The following VSIG10L2 variants were observed in gnomAD, a reference collection of about 807,000 sequenced individuals.
VSIG10L2 encodes V-set and immunoglobulin domain-containing protein 10-like 2.
Under a neutral mutation model 67.1 loss-of-function variants are expected in VSIG10L2, and 56 were observed. The observed-to-expected ratio is 0.83, with a 90% confidence interval of 0.67 to 1.04. The LOEUF (loss-of-function observed/expected upper bound fraction) is 1.04, where lower values mean the gene tolerates loss of function less well. VSIG10L2 is among the 50% of genes least tolerant of loss of function. The probability of loss-of-function intolerance (pLI) is 0.00; values close to 1 mark genes in which losing one functional copy is unlikely to be tolerated. For synonymous variants in VSIG10L2, 360 were observed against 396.6 expected (o/e 0.91, Z 1.10); for missense variants, 843 against 932.8 (o/e 0.90, Z 1.25).
intron 6 of VSIG10L2, 109 bp from the exon 7 acceptor site, chr11:125,953,291 C>A: frequency 2.1e-6 from 2 of 970,538 alleles, no homozygotes; most frequent in South Asian, 5.4e-5. Flanking sequence ...GCCTCATTGT[C>A]AACTCCGCAG....
intron 3 of VSIG10L2, among the ~76,000 whole-genome samples, chr11:125,948,961 T>C (rs1329974735): frequency 6.6e-6 from 1 of 152,182 alleles, no homozygotes; most frequent in Non-Finnish European, 1.5e-5. Context: ...GCAGCAAGCC[T>C]GAAGTTAGAA....
chr11:125,949,029 A>G (rs985229533), intron 3 of VSIG10L2, among the ~76,000 whole-genome samples: 2 of 152,224 alleles, frequency 1.3e-5, no homozygotes, highest in African/African-American at 2.4e-5. Flanking sequence ...GCTGTCCCAC[A>G]TGGCAGCCAC....
chr11:125,952,991 G>A (rs1945398520), intron 6 of VSIG10L2, among the ~76,000 whole-genome samples: 1 of 152,142 alleles, frequency 6.6e-6, no homozygotes, highest in African/African-American at 2.4e-5. Flanking sequence ...TCTTTAATAA[G>A]TCAGTCCATA....
intron 8 of VSIG10L2, among the ~76,000 whole-genome samples, chr11:125,954,631 G>T (rs1255519153): frequency 6.6e-6 from 1 of 152,148 alleles, no homozygotes; most frequent in Non-Finnish European, 1.5e-5. Context: ...CATGTGATCA[G>T]AATAGAGAGG....
chr11:125,952,837 A>G lies in VSIG10L2; in HGVS notation c.1496-563A>G, dbSNP rs562656725. Among the ~76,000 whole-genome samples, 27 of 152,360 alleles carry G rather than the reference A, an allele frequency of 1.8e-4. No individual in the cohort carries two copies. The South Asian group carries it at 5.2e-3, about 29-fold the overall frequency. On this transcript the variant is annotated intron_variant, in intron 6 of 11. Coordinates refer to ENST00000686984, the MANE Select transcript of VSIG10L2 (RefSeq NM_001365077.2). ...CACAACAGTTCTCACAGAATGCTTT[A>G]CCTCTTGGTCTCCAAAGGCTTGGTA...
intron 8 of VSIG10L2, 24 bp downstream of exon 8, chr11:125,954,407 AC>A: frequency 8.1e-7 from 1 of 1,231,944 alleles, no homozygotes; most frequent in Non-Finnish European, 1.0e-6. Context: ...CCAGGGAGGG[AC>A]CCACCTTTTC....
chr11:125,953,056 G>T (rs1302771492), intron 6 of VSIG10L2, among the ~76,000 whole-genome samples: 1 of 152,184 alleles, frequency 6.6e-6, no homozygotes, highest in Non-Finnish European at 1.5e-5. Flanking sequence ...GCCGGGAGGT[G>T]GGGGGCCACT....
In VSIG10L2 at chr11:125,956,091, G is replaced by A. The variant is rs1270932291; in HGVS notation, c.*177G>A. The A allele has an allele frequency of 5.8e-6, 4 of 688,008 alleles. No homozygotes were observed. The highest frequency in any genetic ancestry group is 1.1e-5 in the Non-Finnish European group (4 of 376,598). 42.6% of individuals were successfully genotyped at this position (688,008 alleles called of 1,614,324 possible). On this transcript the variant is annotated 3_prime_UTR_variant, in exon 12 of 12. Coordinates refer to ENST00000686984, the MANE Select transcript of VSIG10L2 (RefSeq NM_001365077.2). ...CAGCTGCAGTGTCCCTAAGTGACAT[G>A]GTTACAAGAGAAGCCCTGGCCCACC...
chr11:125,950,869 G>T, intron 4 of VSIG10L2, 41 bp from the exon 5 acceptor site: 1 of 1,232,360 alleles, frequency 8.1e-7, no homozygotes, highest in Non-Finnish European at 1.0e-6. Context: ...CAGGGCACTG[G>T]CAGTGGAGCC....
chr11:125,946,473 G>C lies in VSIG10L2; in HGVS notation c.82+336G>C, dbSNP rs1486454729. Among the ~76,000 whole-genome samples the C allele has an allele frequency of 6.6e-6, 1 of 152,108 alleles. No individual in the cohort carries two copies. Among genetic ancestry groups the C allele is most frequent in the Admixed American group, 6.5e-5 (1 of 15,276 alleles). On this transcript the variant is annotated intron_variant, in intron 1 of 11. Coordinates refer to ENST00000686984, the MANE Select transcript of VSIG10L2 (RefSeq NM_001365077.2). This position sits in a 1 kb window ranked among gnomAD's most constrained non-coding sequence, Gnocchi z 4.4. ...CATTGCCATAATCCAGGTGAGAGAT[G>C]CTGGCATCTTGGGCCAAAGCAATGT...
chr11:125,949,328 C>G (rs1438083339), intron 3 of VSIG10L2, among the ~76,000 whole-genome samples: 1 of 152,084 alleles, frequency 6.6e-6, no homozygotes, highest in African/African-American at 2.4e-5. Context: ...AAAAAAAAAT[C>G]TGTGTCTGGC....
chr11:125,952,897 A>G (rs34704249), intron 6 of VSIG10L2, among the ~76,000 whole-genome samples: 2 of 152,276 alleles, frequency 1.3e-5, no homozygotes, highest in Middle Eastern at 3.4e-3. Flanking sequence ...GGAGGTCTCA[A>G]CCCCAAATAT....
At chr11:125,948,187 G>T (rs898163105) in intron 2 of VSIG10L2, 118 bp from the exon 3 acceptor site, 1 of 1,231,660 alleles carries the variant, frequency 8.1e-7, no homozygotes, top group Non-Finnish European at 1.0e-6. Flanking sequence ...GATGAGGAAG[G>T]GATGGTCAGG....
chr11:125,950,037 A>G lies in VSIG10L2; in HGVS notation c.733A>G (p.Thr245Ala), dbSNP rs2134303413. The G allele has an allele frequency of 1.5e-5, 19 of 1,232,314 alleles. No homozygotes were observed. Among genetic ancestry groups the G allele is most frequent in the Middle Eastern group, 6.2e-4 (2 of 3,208 alleles). 76.3% of individuals were successfully genotyped at this position (1,232,314 alleles called of 1,614,324 possible). Residue 245 changes from threonine to alanine, a missense_variant, in exon 4 of 12, where the codon ACC (threonine) becomes GCC (alanine). Around this residue, in one of 2 missense-constraint regions of VSIG10L2, gnomAD observed 446 missense variants for 548.4 expected, o/e 0.81. Transcript: ENST00000686984. The stretch of plus-strand genomic sequence containing the variant: ...AGATGGTCCTGACAAGCCTGTGATC[A>G]CCATGGAGCCGCTGGGACTCACTGA... ...VIYGPDKPVI[T>A]MEPLGLTEEG... is the part of the protein sequence containing the mutation.
intron 3 of VSIG10L2, among the ~76,000 whole-genome samples, chr11:125,949,757 C>T (rs939624954): frequency 8.5e-5 from 13 of 152,272 alleles, no homozygotes; most frequent in Admixed American, 3.3e-4. Flanking sequence ...TCTTCTGCCC[C>T]ACCTTGGCCC....
chr11:125,948,246 A>C (rs953602316), intron 2 of VSIG10L2, 59 bp from the exon 3 acceptor site: 6 of 1,232,066 alleles, frequency 4.9e-6, no homozygotes, highest in Non-Finnish European at 6.1e-6. Context: ...GGCGCTGGAC[A>C]CAGCTGGGCG....
In VSIG10L2 at chr11:125,952,059, GC is replaced by G. The variant is rs1565477410; in HGVS notation, c.1483del (p.His495ThrfsTer101). The G allele has an allele frequency of 6.5e-7, 1 of 1,534,250 alleles. No individual in the cohort carries two copies. Among genetic ancestry groups the G allele is most frequent in the South Asian group, 1.2e-5 (1 of 83,886 alleles). The part of the protein sequence containing the change: ...THLLRTPDPH[C>X]HLQLEAPQLD... ...CTGCTCAGGACCCCTGACCCCCACT[GC>G]CACCTCCAGCTGGGTGAGTAGGGGC... On this transcript the variant is annotated frameshift_variant, in exon 6 of 12. Coordinates refer to ENST00000686984, the MANE Select transcript of VSIG10L2 (RefSeq NM_001365077.2). LOFTEE classifies it high-confidence loss of function.
Position 125,946,204 on chromosome 11 carries a change from C to G in VSIG10L2, c.82+67C>G, listed in dbSNP as rs1190045721. 2 of 398,678 alleles carry G rather than the reference C, an allele frequency of 5.0e-6. No individual in the cohort carries two copies. Among genetic ancestry groups the G allele is most frequent in the African/African-American group, 4.1e-5 (2 of 48,640 alleles). The allele number at this position is 398,678 out of a possible 1,614,324, so 24.7% of individuals were successfully genotyped here. A position where few individuals can be genotyped will look rare whatever the true frequency, so the allele number is the denominator to read the frequency against. ...CCCATCCCATTATTCCTGCCACTTCCTGGGGGATCCTCCTTTTGCACTCCA... is the reference window on the plus strand; with the variant it reads ...CCCATCCCATTATTCCTGCCACTTCGTGGGGGATCCTCCTTTTGCACTCCA... On this transcript the variant is annotated intron_variant, in intron 1 of 11. Coordinates refer to ENST00000686984, the MANE Select transcript of VSIG10L2 (RefSeq NM_001365077.2). The surrounding 1 kb of genome is among the most constrained non-coding windows in gnomAD (Gnocchi z 4.4).
chr11:125,954,443 T>C, intron 8 of VSIG10L2, 60 bp downstream of exon 8: 1 of 1,214,800 alleles, frequency 8.2e-7, no homozygotes, highest in Non-Finnish European at 1.0e-6. Flanking sequence ...CCCTGGTTCA[T>C]CTTCCTCTTC....
Sources: gnomAD v4.1 joint callset for allele counts (sites outside exome capture counted in the v4.1 genomes callset) on GRCh38, gnomAD v4.1.1 for gene constraint, gnomAD v4.1.1 regional missense constraint, Gnocchi (gnomAD v3.1) non-coding constraint, MANE v1.5 for transcripts, NCBI Gene and HGNC (gene_info 2026-07-23, HGNC 2026-07-21) for gene names.